Variants in DNAH7 observed in about 807,000 individuals in gnomAD.
DNAH7 encodes dynein axonemal heavy chain 7.
A neutral mutation model predicts 444.6 loss-of-function variants in DNAH7; 397 were observed. The observed-to-expected ratio is 0.89, with a 90% confidence interval of 0.82 to 0.97. DNAH7 has a LOEUF of 0.97. DNAH7 is among the 50% of genes least tolerant of loss of function. DNAH7 has a pLI of 0.00. For synonymous variants in DNAH7, 1,636 were observed against 1,624.4 expected (o/e 1.01, Z -0.17); for missense variants, 4,902 against 4,800.8 (o/e 1.02, Z -0.62).
chr2:196,030,907 G>C (rs1696013061), intron 5 of DNAH7, among the ~76,000 whole-genome samples: 1 of 152,236 alleles, frequency 6.6e-6, no homozygotes, highest in African/African-American at 2.4e-5. Flanking sequence ...AACGGTGCAA[G>C]CTGTCAGTGG....
At position 196,068,717 on chromosome 2, in the gene DNAH7, C is replaced by T; in HGVS notation, c.-6G>A. 6.4e-7 allele frequency: 1 copy of T among 1,551,302 alleles called. No homozygotes were observed. The highest frequency in any genetic ancestry group is 1.2e-5 in the South Asian group (1 of 84,060). On this transcript the variant is annotated 5_prime_UTR_variant, in exon 1 of 65. Coordinates refer to ENST00000312428, the MANE Select transcript of DNAH7 (RefSeq NM_018897.3). ...CTCACCTGCTCACTGCTCATGGCTG[C>T]GAGGACGCGCTGGCCTCACCGGTGC...
At chr2:195,988,303 C>T in intron 12 of DNAH7, 74 bp from the exon 13 acceptor site, 4 of 1,260,042 alleles carry the variant, frequency 3.2e-6, no homozygotes, top group East Asian at 5.2e-5. Context: ...TGTACAAACG[C>T]CAATCTTACA....
chr2:195,793,947 A>G (rs935874460), intron 57 of DNAH7, among the ~76,000 whole-genome samples: 8 of 152,176 alleles, frequency 5.3e-5, no homozygotes, highest in African/African-American at 1.9e-4. Context: ...CTCTCATTAT[A>G]GTTATATGAA....
At chr2:196,061,736 G>C (rs1047651815) in intron 1 of DNAH7, among the ~76,000 whole-genome samples, 2 of 152,094 alleles carry the variant, frequency 1.3e-5, no homozygotes, top group Non-Finnish European at 2.9e-5. Context: ...GAAAGAATGG[G>C]GGATCAAGAA....
Position 195,936,806 on chromosome 2 carries a change from T to C in DNAH7, c.3079-14A>G, listed in dbSNP as rs1385963368. The C allele has an allele frequency of 6.7e-7, 1 of 1,483,514 alleles. No homozygotes were observed. Among genetic ancestry groups the C allele is most frequent in the Non-Finnish European group, 8.9e-7 (1 of 1,117,644 alleles). 91.9% of individuals were successfully genotyped at this position (1,483,514 alleles called of 1,614,324 possible). A position where few individuals can be genotyped will look rare whatever the true frequency, so the allele number is the denominator to read the frequency against. Reference sequence around the variant, plus strand: ...AACATGTTTATCCTAAAAATAAAAATAAAAAACACTCAATTCAAAAATATT... The same window carrying C: ...AACATGTTTATCCTAAAAATAAAAACAAAAAACACTCAATTCAAAAATATT... On this transcript the variant is annotated splice_polypyrimidine_tract_variant and intron_variant, in intron 19 of 64. Transcript: ENST00000312428.
chr2:195,873,614 T>C lies in DNAH7; in HGVS notation c.6367A>G (p.Met2123Val). 6.7e-7 allele frequency: 1 copy of C among 1,501,520 alleles called. No individual in the cohort carries two copies. The highest frequency in any genetic ancestry group is 8.9e-7 in the Non-Finnish European group (1 of 1,121,662). The allele number at this position is 1,501,520 out of a possible 1,614,324, so 93.0% of individuals were successfully genotyped here. The change falls in exon 39 of 65, where the codon ATG becomes GTG. Residue 2123 changes from methionine to valine, a missense_variant. Coordinates refer to ENST00000312428, the MANE Select transcript of DNAH7 (RefSeq NM_018897.3). ...ITINEFSDKS[M>V]YTIFSRILTW... ...AAGATTCTAGAGAAGATTGTATACATGGATTTATCACTAAACTCATTGATT... is the reference window on the plus strand; with the variant it reads ...AAGATTCTAGAGAAGATTGTATACACGGATTTATCACTAAACTCATTGATT...
In DNAH7 at chr2:195,891,716, A is replaced by G. The variant is rs1243456052; in HGVS notation, c.4985T>C (p.Val1662Ala). Residue 1662 changes from valine to alanine, a missense_variant, in exon 31 of 65, where the codon GTG (valine) becomes GCG (alanine). Physicochemically the swap from Val to Ala is moderately conservative, Grantham distance 64. Transcript: ENST00000312428. ...MGQLYGQFDS[V>A]SHEWSDGVLA... ...GACCCCATCAGACCATTCATGGGAC[A>G]CTGAATCAAACTGTCCGTACAGTTG... The G allele has an allele frequency of 6.2e-7, 1 of 1,608,360 alleles. No individual in the cohort carries two copies.
At chr2:195,760,575 G>A (rs1234694988) in intron 61 of DNAH7, among the ~76,000 whole-genome samples, 2 of 152,140 alleles carry the variant, frequency 1.3e-5, no homozygotes, top group East Asian at 3.9e-4. Context: ...GCTCAGCAGA[G>A]AGAGAGAGAG....
At chr2:195,741,830 T>C (rs529096105) in intron 63 of DNAH7, among the ~76,000 whole-genome samples, 1 of 152,330 alleles carries the variant, frequency 6.6e-6, no homozygotes, top group East Asian at 1.9e-4. Flanking sequence ...CTATGTGTTG[T>C]CCTGTATGGT....
intron 9 of DNAH7, among the ~76,000 whole-genome samples, chr2:196,014,705 C>T (rs1694911236): frequency 6.6e-6 from 1 of 152,122 alleles, no homozygotes; most frequent in Admixed American, 6.6e-5. Flanking sequence ...ACCAAGTTTC[C>T]CACAGAAATT....
At position 196,001,685 on chromosome 2, in the gene DNAH7, G is replaced by A. The variant is rs1486808441; in HGVS notation, c.1163C>T (p.Ala388Val). The A allele has an allele frequency of 1.3e-6, 2 of 1,565,952 alleles. No homozygotes were observed. Among genetic ancestry groups the A allele is most frequent in the African/African-American group, 2.7e-5 (2 of 73,126 alleles). Residue 388 changes from alanine (A) to valine (V), a missense_variant, in exon 11 of 65, where the codon GCA becomes GTA. Physicochemically the swap from Ala to Val is moderately conservative, Grantham distance 64. Coordinates refer to ENST00000312428, the MANE Select transcript of DNAH7 (RefSeq NM_018897.3). Reference sequence around the variant, plus strand: ...CTGAACCATACTTACTGGGGGTTGTGCAATTAAGTCCGTGAAATCTTGCAT... The same window carrying A: ...CTGAACCATACTTACTGGGGGTTGTACAATTAAGTCCGTGAAATCTTGCAT... ...VSMQDFTDLI[A>V]QPPDSVRAFE...
intron 40 of DNAH7, among the ~76,000 whole-genome samples, chr2:195,865,958 G>A (rs1183433624): frequency 1.3e-5 from 2 of 152,146 alleles, no homozygotes; most frequent in African/African-American, 4.8e-5. Context: ...GAGACAAGGT[G>A]GCTTTAGCAA....
At chr2:195,950,774 C>T (rs897035823) in intron 19 of DNAH7, among the ~76,000 whole-genome samples, 1 of 139,876 alleles carries the variant, frequency 7.1e-6, no homozygotes, top group Admixed American at 8.2e-5. Flanking sequence ...ATGGCGTGAA[C>T]CCAGGAGGCG....
At position 195,864,686 on chromosome 2, in the gene DNAH7, G is replaced by A; in HGVS notation, c.6969C>T (p.Ile2323=). Residue 2323 remains isoleucine (I), a synonymous_variant, in exon 41 of 65, where the codon ATC becomes ATT. Coordinates refer to ENST00000312428, the MANE Select transcript of DNAH7 (RefSeq NM_018897.3). ...LVLFRFAIEH[I]SRISRILKQP... is the part of the protein sequence containing the mutation. ...GCTTCAGGATCCTGGAAATTCTGCT[G>A]ATGTGCTCTATGGCAAATCGAAACA... 1 of 1,614,154 alleles carries A rather than the reference G, an allele frequency of 6.2e-7. No individual in the cohort carries two copies. Among genetic ancestry groups the A allele is most frequent in the Non-Finnish European group, 8.5e-7 (1 of 1,180,024 alleles).
rs1696221319 is a variant in DNAH7, at chr2:195,797,617, T to C, written c.10354-880A>G. On this transcript the variant is annotated intron_variant, in intron 55 of 64. Transcript: ENST00000312428. ...GTGAGTCCTTCGTAGAAGTGAACAC[T>C]TCCACCATTCCCACTCTACTCCTAC... Among the ~76,000 whole-genome samples, 4 of 152,184 alleles carry C rather than the reference T, an allele frequency of 2.6e-5. 1 individual carries two copies. The highest frequency in any genetic ancestry group is 7.2e-5 in the African/African-American group (3 of 41,452).
chr2:195,991,317 G>A (rs17297290), intron 12 of DNAH7, among the ~76,000 whole-genome samples: 17,853 of 152,066 alleles, frequency 0.12, 1,395 homozygotes, highest in Middle Eastern at 0.27. Context: ...TTCTCTGCAA[G>A]GAATCTTCCT....
At position 195,888,327 on chromosome 2, in the gene DNAH7, C is replaced by T. The variant is rs757183371; in HGVS notation, c.5337G>A (p.Lys1779=). The T allele has an allele frequency of 4.3e-6, 7 of 1,611,056 alleles. No individual in the cohort carries two copies. The highest frequency in any genetic ancestry group is 2.2e-5 in the South Asian group (2 of 90,450). The change falls in exon 33 of 65, where the codon AAG becomes AAA. Residue 1779 remains lysine (K), a synonymous_variant. Transcript: ENST00000312428. ...LLPASVSVIQ[K]EFIMGLFDRM... The stretch of plus-strand genomic sequence containing the variant: ...TGTCAAATAAGCCCATTATGAATTC[C>T]TTTTGAATAACACTGACTGACGCAG...
chr2:195,743,219 C>G (rs1258095466), intron 63 of DNAH7, among the ~76,000 whole-genome samples: 1 of 152,244 alleles, frequency 6.6e-6, no homozygotes, highest in African/African-American at 2.4e-5. Context: ...GCTGCGCTGT[C>G]TGCTTCCGTA....
intron 49 of DNAH7, among the ~76,000 whole-genome samples, chr2:195,818,446 G>C (rs1478518590): frequency 6.6e-6 from 1 of 152,090 alleles, no homozygotes; most frequent in Non-Finnish European, 1.5e-5. Flanking sequence ...TGCTCTTACA[G>C]GCAGGTCTCT....
Sources: allele counts gnomAD v4.1 joint callset (sites outside exome capture counted in the v4.1 genomes callset), GRCh38; gene constraint gnomAD v4.1.1; transcripts MANE v1.5; gene names NCBI Gene and HGNC (gene_info 2026-07-23, HGNC 2026-07-21).